VAC14: variants seen among roughly 807,000 people sequenced by gnomAD.
VAC14 encodes the protein VAC14 component of PIKFYVE complex.
A neutral mutation model predicts 85.3 loss-of-function variants in VAC14; 47 were observed. The observed-to-expected ratio is 0.55, with a 90% CI of 0.44 to 0.70. The LOEUF is 0.70. Among genes scored for constraint, VAC14 ranks in the 30% least tolerant of loss-of-function variants. The pLI is 0.00. For missense variants in VAC14, 861 were observed against 1,004.3 expected, an observed-to-expected ratio of 0.86 and a Z score of 1.93; for synonymous variants, 447 against 430.5, an observed-to-expected ratio of 1.04 and a Z score of -0.47.
chr16:70,800,934 C>T lies in VAC14; in HGVS notation c.-34G>A. 1 of 1,510,298 alleles carries T rather than the reference C, an allele frequency of 6.6e-7. No individual in the cohort carries two copies. The highest frequency in any genetic ancestry group is 8.9e-7 in the Non-Finnish European group (1 of 1,123,934). 93.6% of individuals were successfully genotyped at this position (1,510,298 alleles called of 1,614,324 possible). A position where few individuals can be genotyped will look rare whatever the true frequency, so the allele number is the denominator to read the frequency against. ...CTGGGGGAACCTCGCGACTCCTTAG[C>T]CCGCGGCTGCCGGGGCCGCGCCGGG... On this transcript the variant is annotated 5_prime_UTR_variant, in exon 1 of 19. Coordinates refer to ENST00000261776, the MANE Select transcript of VAC14 (RefSeq NM_018052.5).
chr16:70,693,741 T>C (rs567666699), intron 17 of VAC14, among the ~76,000 whole-genome samples: 6 of 152,324 alleles, frequency 3.9e-5, no homozygotes, highest in African/African-American at 1.4e-4. Context: ...TCTGCGAGCC[T>C]CTCCAGGAGA....
intron 18 of VAC14, 191 bp from the exon 19 acceptor site, chr16:70,688,281 C>T (rs376954204): frequency 1.4e-5 from 17 of 1,232,618 alleles, no homozygotes; most frequent in East Asian, 6.4e-5. Context: ...CCCCCTCTTC[C>T]GCAGTTGGTG....
chr16:70,750,371 A>G (rs1185219845), intron 12 of VAC14, among the ~76,000 whole-genome samples: 2 of 152,054 alleles, frequency 1.3e-5, no homozygotes, highest in Non-Finnish European at 2.9e-5. Flanking sequence ...AGAAGGGAGG[A>G]AAGAGAGGGA....
rs972617445 is a variant in VAC14 at position 70,689,781 on chromosome 16, C to T, written c.2187-1691G>A. ...AGAGGGCCAGGCTGTGGGCAGTGTT[C>T]TAGGCTGTGGTTGCTACTGGGAAGG... is the stretch of plus-strand genomic sequence containing the variant. On this transcript the variant is annotated intron_variant, in intron 18 of 18. Transcript: ENST00000261776. 6.1e-6 allele frequency: 6 copies of T among 985,422 alleles called. No homozygotes were observed. The Admixed American group carries it at 1.8e-4, about 30-fold the overall frequency. The allele number at this position is 985,422 out of a possible 1,614,324, so 61.0% of individuals were successfully genotyped here.
At chr16:70,698,873 C>T (rs934385378) in intron 14 of VAC14, 62 bp from the exon 15 acceptor site, 11 of 1,500,688 alleles carry the variant, frequency 7.3e-6, no homozygotes, top group Non-Finnish European at 9.9e-6. Flanking sequence ...GTGTCTCAGC[C>T]TGGGAGGCCT....
chr16:70,723,756 G>A (rs145533579), intron 14 of VAC14, among the ~76,000 whole-genome samples: 1 of 152,150 alleles, frequency 6.6e-6, no homozygotes, highest in African/African-American at 2.4e-5. Context: ...CTTCTCAGGT[G>A]TGCAGACAAC....
Position 70,786,371 on chromosome 16 carries a change from G to A in VAC14, c.105-6C>T, listed in dbSNP as rs755261152. The A allele has an allele frequency of 6.2e-7, 1 of 1,612,534 alleles. No homozygotes were observed. The highest frequency in any genetic ancestry group is 1.1e-5 in the South Asian group (1 of 91,028). On this transcript the variant is annotated splice_polypyrimidine_tract_variant and splice_region_variant and intron_variant, in intron 1 of 18. Transcript: ENST00000261776. ...CCACGAACTCCCGGACCAGCCTGGA[G>A]AGAGAGGAGAGAGGGGCTGTGGGAA...
intron 9 of VAC14, among the ~76,000 whole-genome samples, chr16:70,775,295 T>C (rs1421925986): frequency 1.3e-5 from 2 of 152,232 alleles, no homozygotes; most frequent in African/African-American, 4.8e-5. Flanking sequence ...CTCTCCTTAA[T>C]CTTCAATCTT....
At chr16:70,714,798 C>T (rs1239629101) in intron 14 of VAC14, 1 of 152,300 alleles carries the variant, frequency 6.6e-6, no homozygotes, top group Non-Finnish European at 1.5e-5. Flanking sequence ...GTCAAGCCAG[C>T]TTCCTGAGCC....
chr16:70,755,410 C>A (rs745483015), intron 12 of VAC14, among the ~76,000 whole-genome samples: 4 of 152,262 alleles, frequency 2.6e-5, no homozygotes, highest in African/African-American at 4.8e-5. Flanking sequence ...CTGGATAAGG[C>A]AGTGCCTCCA....
Position 70,692,742 on chromosome 16 carries a change from C to G in VAC14, c.2186+79G>C, listed in dbSNP as rs1387337636. On this transcript the variant is annotated intron_variant, in intron 18 of 18. Transcript: ENST00000261776. ...TGAGGGAGGCCTCAGCAGCCCCTGG[C>G]AAGGCCCTTCCTCACCAGGCTCCTC... The G allele has an allele frequency of 1.7e-5, 26 of 1,530,800 alleles. No individual in the cohort carries two copies. The South Asian group carries it at 2.9e-4, about 17-fold the overall frequency. 94.8% of individuals were successfully genotyped at this position (1,530,800 alleles called of 1,614,324 possible). A position where few individuals can be genotyped will look rare whatever the true frequency, so the allele number is the denominator to read the frequency against.
rs536376273 is a variant in VAC14, at chr16:70,791,369, G to A, written c.105-5004C>T. Among the ~76,000 whole-genome samples, 20 of 152,280 alleles carry A rather than the reference G, an allele frequency of 1.3e-4. 1 individual carries two copies. The South Asian group carries it at 3.7e-3, about 28-fold the overall frequency. On this transcript the variant is annotated intron_variant, in intron 1 of 18. Transcript: ENST00000261776. ...AATTCCTTCTAATTCCTTCTCATGC[G>A]TGATTCCTACCTCCACAACTTTTTT...
At chr16:70,771,669 C>T (rs991609350) in intron 10 of VAC14, 1 of 162,304 alleles carries the variant, frequency 6.2e-6, no homozygotes, top group Non-Finnish European at 1.3e-5. Flanking sequence ...TCACTTCAAC[C>T]TCTGGCTCAA....
At chr16:70,709,587 T>G (rs991610909) in intron 14 of VAC14, among the ~76,000 whole-genome samples, 2 of 152,090 alleles carry the variant, frequency 1.3e-5, no homozygotes, top group Middle Eastern at 3.2e-3. Context: ...TCTCCAAGGG[T>G]ACGAGAGGGA....
intron 10 of VAC14, among the ~76,000 whole-genome samples, chr16:70,766,040 G>A (rs1260340762): frequency 6.6e-6 from 1 of 151,960 alleles, no homozygotes; most frequent in Non-Finnish European, 1.5e-5. Flanking sequence ...GGCTGAAGTG[G>A]GAGGATTATA....
At chr16:70,726,242 G>T (rs1262021834) in intron 14 of VAC14, among the ~76,000 whole-genome samples, 1 of 152,268 alleles carries the variant, frequency 6.6e-6, no homozygotes. Flanking sequence ...AAGAGGCCGG[G>T]GGAAGGCAAC....
chr16:70,770,310 C>G (rs959386724), intron 10 of VAC14: 3 of 152,604 alleles, frequency 2.0e-5, no homozygotes, highest in Non-Finnish European at 4.4e-5. Flanking sequence ...GCTGCTCCTC[C>G]CCAGCCTGAG....
At chr16:70,766,896 G>A (rs1285885364) in intron 10 of VAC14, among the ~76,000 whole-genome samples, 1 of 152,158 alleles carries the variant, frequency 6.6e-6, no homozygotes, top group African/African-American at 2.4e-5. Context: ...ACTCTTCCTA[G>A]AGGGCACACT....
intron 2 of VAC14, 91 bp from the exon 3 acceptor site, chr16:70,785,960 GA>G: frequency 4.1e-6 from 6 of 1,447,294 alleles, no homozygotes; most frequent in Non-Finnish European, 4.6e-6. Flanking sequence ...CAGCTCCCTT[GA>G]AGGTGCTCAG....
Sources: gnomAD v4.1 joint callset for allele counts (sites outside exome capture counted in the v4.1 genomes callset) on GRCh38, gnomAD v4.1.1 for gene constraint, MANE v1.5 for transcripts, NCBI Gene and HGNC (gene_info 2026-07-23, HGNC 2026-07-21) for gene names.